NR3C1: variants seen among roughly 807,000 people sequenced by gnomAD.
NR3C1 encodes glucocorticoid receptor.
NR3C1 carries 14 observed loss-of-function variants against 74.0 expected under a neutral mutation model. The ratio of observed to expected loss-of-function variants is 0.19; its 90% CI spans 0.12 to 0.30. NR3C1 has a LOEUF of 0.30. NR3C1 is among the 10% of genes least tolerant of loss of function. The pLI is 1.00. For synonymous variants in NR3C1, 308 were observed against 332.5 expected, an observed-to-expected ratio of 0.93 and a Z score of 0.80; for missense variants, 695 against 909.8, an observed-to-expected ratio of 0.76 and a Z score of 3.04.
intron 2 of NR3C1, among the ~76,000 whole-genome samples, chr5:143,322,656 A>G (rs929688674): frequency 1.3e-5 from 2 of 152,264 alleles, no homozygotes; most frequent in Non-Finnish European, 2.9e-5. Flanking sequence ...AAAGACATTT[A>G]TAAAAACAAA....
chr5:143,404,020 G>C, upstream of NR3C1: 1 of 985,420 alleles, frequency 1.0e-6, no homozygotes, highest in Non-Finnish European at 1.2e-6. Flanking sequence ...GAGGGCCACC[G>C]AGTTTCTCCA....
At position 143,278,095 on chromosome 5, in the gene NR3C1, C is replaced by A. The variant is rs1031803139; in HGVS notation, c.*3794G>T. The A allele has an allele frequency of 1.5e-4, 23 of 152,246 alleles. No individual in the cohort carries two copies. The highest frequency in any genetic ancestry group is 5.5e-4 in the African/African-American group (23 of 41,568). 9.4% of individuals were successfully genotyped at this position (152,246 alleles called of 1,614,324 possible). On this transcript the variant is annotated 3_prime_UTR_variant, in exon 9 of 9. Coordinates refer to ENST00000394464, the MANE Select transcript of NR3C1 (RefSeq NM_000176.3). ...TTAAACATTTCCACACAAGGTTTTA[C>A]AGTCTGACATTTCACTGCGTAGGTA...
intron 2 of NR3C1, among the ~76,000 whole-genome samples, chr5:143,391,203 C>T (rs538447460): frequency 6.6e-6 from 1 of 152,282 alleles, no homozygotes; most frequent in South Asian, 2.1e-4. Context: ...GGTATGTTTA[C>T]CAATTTAAAC....
chr5:143,412,973 T>C (rs1166933656), intron 1 of NR3C1, among the ~76,000 whole-genome samples: 1 of 152,194 alleles, frequency 6.6e-6, no homozygotes, highest in East Asian at 1.9e-4. Flanking sequence ...CTTTCTTAAT[T>C]AATATTCTCT....
At chr5:143,296,005 C>T (rs1328336979) in intron 6 of NR3C1, among the ~76,000 whole-genome samples, 1 of 152,138 alleles carries the variant, frequency 6.6e-6, no homozygotes, top group African/African-American at 2.4e-5. Flanking sequence ...AGCAGTCCAT[C>T]CTAAAGACAA....
In NR3C1 at chr5:143,278,717, T is replaced by C. The variant is rs1344822198; in HGVS notation, c.*3172A>G. The stretch of plus-strand genomic sequence containing the variant: ...TTGTATAACAATATTTTTCATTCCA[T>C]GGTGATGTAGTTTTCAGGGTTTTTA... On this transcript the variant is annotated 3_prime_UTR_variant, in exon 9 of 9. Coordinates refer to ENST00000394464, the MANE Select transcript of NR3C1 (RefSeq NM_000176.3). 6.6e-6 allele frequency: 1 copy of C among 152,180 alleles called. No individual in the cohort carries two copies. Among genetic ancestry groups the C allele is most frequent in the Non-Finnish European group, 1.5e-5 (1 of 68,036 alleles). 9.4% of individuals were successfully genotyped at this position (152,180 alleles called of 1,614,324 possible). A position where few individuals can be genotyped will look rare whatever the true frequency, so the allele number is the denominator to read the frequency against.
Position 143,298,786 on chromosome 5 carries a change from G to T in NR3C1, c.1774C>A (p.Gln592Lys). ...PGFRNLHLDD[Q>K]MTLLQYSWMF... ...CAGGAGTACTGCAGTAGGGTCATTT[G>T]GTCATCCAGGTGTAAGTTCCTGAAA... is the stretch of plus-strand genomic sequence containing the variant. Residue 592 changes from glutamine (Q) to lysine (K), a missense_variant, in exon 6 of 9, where the codon CAA becomes AAA. Transcript: ENST00000394464. 1.2e-6 allele frequency: 2 copies of T among 1,613,528 alleles called. No homozygotes were observed. Among genetic ancestry groups the T allele is most frequent in the South Asian group, 2.2e-5 (2 of 91,042 alleles).
intron 2 of NR3C1, among the ~76,000 whole-genome samples, chr5:143,323,149 A>G (rs2151659251): frequency 6.6e-6 from 1 of 152,350 alleles, no homozygotes; most frequent in Non-Finnish European, 1.5e-5. Flanking sequence ...CCCTTTGTCC[A>G]GCATATCCAC....
intron 4 of NR3C1, among the ~76,000 whole-genome samples, chr5:143,305,497 G>C (rs1032840108): frequency 6.6e-6 from 1 of 152,138 alleles, no homozygotes; most frequent in African/African-American, 2.4e-5. Context: ...ACCAACCCAG[G>C]TGCCCATCAA....
At position 143,279,895 on chromosome 5, in the gene NR3C1, T is replaced by G. The variant is rs1812846266; in HGVS notation, c.*1994A>C. 1 of 155,050 alleles carries G rather than the reference T, an allele frequency of 6.4e-6. No individual in the cohort carries two copies. Among genetic ancestry groups the G allele is most frequent in the Non-Finnish European group, 1.4e-5 (1 of 69,970 alleles). The allele number at this position is 155,050 out of a possible 1,614,324, so 9.6% of individuals were successfully genotyped here. Reference sequence around the variant, plus strand: ...ATGTAAGCACCACCTTCCTGTCTCCTGTTTACATACTTTACATACTTTAGT... The same window carrying G: ...ATGTAAGCACCACCTTCCTGTCTCCGGTTTACATACTTTACATACTTTAGT... On this transcript the variant is annotated 3_prime_UTR_variant, in exon 9 of 9. Transcript: ENST00000394464.
chr5:143,333,402 AGTGAATGCC>A (rs1416639705), intron 2 of NR3C1, among the ~76,000 whole-genome samples: 1 of 152,228 alleles, frequency 6.6e-6, no homozygotes, highest in Non-Finnish European at 1.5e-5. Flanking sequence ...TGCTGGGATC[AGTGAATGCC>A]TGATTAGGAC....
intron 6 of NR3C1, among the ~76,000 whole-genome samples, chr5:143,296,552 C>T (rs1232458787): frequency 2.6e-5 from 4 of 151,988 alleles, no homozygotes; most frequent in African/African-American, 9.7e-5. Flanking sequence ...ACTCATATAA[C>T]TGAAAATTTC....
chr5:143,418,811 G>A (rs1351177509), intron 1 of NR3C1, among the ~76,000 whole-genome samples: 1 of 152,156 alleles, frequency 6.6e-6, no homozygotes, highest in Non-Finnish European at 1.5e-5. Context: ...TGGCTTGGAC[G>A]AGGGCAGAAC....
At chr5:143,344,323 AAAC>A (rs1255636206) in intron 2 of NR3C1, among the ~76,000 whole-genome samples, 1 of 152,238 alleles carries the variant, frequency 6.6e-6, no homozygotes, top group Non-Finnish European at 1.5e-5. Context: ...AGGTGAAACC[AAAC>A]AACCACCACA....
chr5:143,388,433 T>C (rs1837645003), intron 2 of NR3C1, among the ~76,000 whole-genome samples: 1 of 152,216 alleles, frequency 6.6e-6, no homozygotes, highest in African/African-American at 2.4e-5. Flanking sequence ...TATTTAGGTA[T>C]TCAACATGTA....
chr5:143,334,331 G>A (rs1212048624), intron 2 of NR3C1, among the ~76,000 whole-genome samples: 1 of 152,048 alleles, frequency 6.6e-6, no homozygotes, highest in African/African-American at 2.4e-5. Context: ...GCAGTGAGCT[G>A]AGATCACGCC....
At chr5:143,433,278 G>A (rs1284874965) in intron 1 of NR3C1, among the ~76,000 whole-genome samples, 1 of 150,366 alleles carries the variant, frequency 6.7e-6, no homozygotes, top group African/African-American at 2.4e-5. Flanking sequence ...ATATTCTTTT[G>A]AGCTAGGCAG....
rs1812983413 is a variant in NR3C1, at chr5:143,280,919, T to C, written c.*970A>G. ...AAAGACAAATAGTTTACCAGCTTTC[T>C]TGCCATATAGCCATTGCAAAAATAG... On this transcript the variant is annotated 3_prime_UTR_variant, in exon 9 of 9. Transcript: ENST00000394464. The C allele has an allele frequency of 6.6e-6, 1 of 152,200 alleles. No homozygotes were observed. Among genetic ancestry groups the C allele is most frequent in the African/African-American group, 2.4e-5 (1 of 41,458 alleles). 9.4% of individuals were successfully genotyped at this position (152,200 alleles called of 1,614,324 possible).
chr5:143,319,671 G>A (rs939636047), intron 2 of NR3C1, among the ~76,000 whole-genome samples: 4 of 152,098 alleles, frequency 2.6e-5, no homozygotes, highest in African/African-American at 7.2e-5. Context: ...GAGAAGAGGC[G>A]AGGGATGCTG....
Sources: gnomAD v4.1 joint callset for allele counts (sites outside exome capture counted in the v4.1 genomes callset) on GRCh38, gnomAD v4.1.1 for gene constraint, MANE v1.5 for transcripts, NCBI Gene and HGNC (gene_info 2026-07-23, HGNC 2026-07-21) for gene names.